EEFSEC: variants seen among roughly 807,000 people sequenced by gnomAD.
EEFSEC encodes selenocysteine-specific elongation factor.
Under a neutral mutation model 42.1 loss-of-function variants are expected in EEFSEC, and 43 were observed. The observed-to-expected ratio is 1.02, with a 90% CI of 0.80 to 1.32. EEFSEC has a LOEUF of 1.32. EEFSEC is among the 40% of genes most tolerant of loss of function. The probability of loss-of-function intolerance (pLI) is 0.00; values close to 1 mark genes in which losing one functional copy is unlikely to be tolerated. For missense variants in EEFSEC, 745 were observed against 803.6 expected, an observed-to-expected ratio of 0.93 and a Z score of 0.88; for synonymous variants, 354 against 339.1, an observed-to-expected ratio of 1.04 and a Z score of -0.48.
intron 2 of EEFSEC, among the ~76,000 whole-genome samples, chr3:128,255,485 A>G (rs951853825): frequency 1.3e-5 from 2 of 152,164 alleles, no homozygotes; most frequent in Admixed American, 1.3e-4. Flanking sequence ...TCTTAGTGTC[A>G]CATGGAATTG....
intron 6 of EEFSEC, among the ~76,000 whole-genome samples, chr3:128,380,505 C>G (rs572450809): frequency 1.3e-3 from 202 of 152,318 alleles, no homozygotes; most frequent in African/African-American, 4.5e-3. Flanking sequence ...CCACCATGCT[C>G]TCTTCGGCTG....
intron 1 of EEFSEC, among the ~76,000 whole-genome samples, chr3:128,169,031 T>C (rs1229179266): frequency 6.6e-6 from 1 of 152,194 alleles, no homozygotes; most frequent in Non-Finnish European, 1.5e-5. Flanking sequence ...TGGCTTCTGC[T>C]TTCATGTAGC....
chr3:128,294,618 C>T (rs1576615213), intron 4 of EEFSEC, among the ~76,000 whole-genome samples: 1 of 152,270 alleles, frequency 6.6e-6, no homozygotes, highest in East Asian at 1.9e-4. Flanking sequence ...GGAAGTAGAG[C>T]ACCTGTACAC....
In EEFSEC at chr3:128,174,103, C is replaced by T. The variant is rs376271693; in HGVS notation, c.316+20280C>T. Among the ~76,000 whole-genome samples, 10 of 152,356 alleles carry T rather than the reference C, an allele frequency of 6.6e-5. No homozygotes were observed. The South Asian group carries it at 1.0e-3, about 16-fold the overall frequency. ...GGAGGAGGAAACATTGCTCTGGCCG[C>T]TGCTCTCAGAGGCCCTCCCCTCTGT... On this transcript the variant is annotated intron_variant, in intron 1 of 6. Transcript: ENST00000254730.
intron 1 of EEFSEC, among the ~76,000 whole-genome samples, chr3:128,206,088 G>T (rs1418704684): frequency 6.6e-6 from 1 of 152,160 alleles, no homozygotes; most frequent in African/African-American, 2.4e-5. Context: ...CACAAATCAT[G>T]CTGGTATTTC....
chr3:128,269,546 G>C (rs1326524747), intron 4 of EEFSEC, among the ~76,000 whole-genome samples: 8 of 152,184 alleles, frequency 5.3e-5, no homozygotes, highest in African/African-American at 1.9e-4. Flanking sequence ...TAATAGACTT[G>C]GACACATCTG....
intron 4 of EEFSEC, among the ~76,000 whole-genome samples, chr3:128,319,567 T>C (rs182722649): frequency 7.9e-5 from 12 of 152,348 alleles, no homozygotes; most frequent in Admixed American, 3.3e-4. Context: ...CTTAAGCTTC[T>C]GAAAGTCATC....
intron 6 of EEFSEC, among the ~76,000 whole-genome samples, chr3:128,378,032 C>T (rs1216762900): frequency 6.6e-6 from 1 of 152,214 alleles, no homozygotes; most frequent in Non-Finnish European, 1.5e-5. Context: ...TGGAGAAAAA[C>T]GTGCAGTTCA....
intron 1 of EEFSEC, among the ~76,000 whole-genome samples, chr3:128,170,801 A>G (rs979854323): frequency 1.3e-5 from 2 of 152,246 alleles, no homozygotes; most frequent in African/African-American, 2.4e-5. Flanking sequence ...AAAAGTTTTT[A>G]AAAGTACATA....
chr3:128,319,961 G>C (rs2066989387), intron 4 of EEFSEC, among the ~76,000 whole-genome samples: 1 of 152,252 alleles, frequency 6.6e-6, no homozygotes, highest in African/African-American at 2.4e-5. Flanking sequence ...GCACAGGTTT[G>C]GCCCTGCTGA....
intron 2 of EEFSEC, among the ~76,000 whole-genome samples, chr3:128,255,201 C>T (rs758874916): frequency 2.6e-5 from 4 of 151,978 alleles, no homozygotes; most frequent in Non-Finnish European, 5.9e-5. Context: ...AAGAGTTGGC[C>T]TCTCTGGCCA....
At chr3:128,417,231 G>A in the EEFSEC span, among the ~76,000 whole-genome samples, 2 of 152,092 alleles carry the variant, frequency 1.3e-5, no homozygotes, top group East Asian at 1.9e-4. The surrounding 1 kb of genome is among the most constrained non-coding windows in gnomAD (Gnocchi z 4.3). Flanking sequence ...CCTCTCGCCC[G>A]CACCTTCCTC....
At chr3:128,223,773 T>C (rs777223259) in intron 1 of EEFSEC, among the ~76,000 whole-genome samples, 1 of 152,206 alleles carries the variant, frequency 6.6e-6, no homozygotes, top group African/African-American at 2.4e-5. Context: ...TCCATGAGCA[T>C]GTGCCCATGT....
At chr3:128,423,048 C>T in the EEFSEC span, among the ~76,000 whole-genome samples, 5 of 152,360 alleles carry the variant, frequency 3.3e-5, no homozygotes, top group Admixed American at 1.3e-4. Context: ...CAGGAAGGGT[C>T]TCACCCTGTC....
chr3:128,344,374 A>G (rs934427656), intron 5 of EEFSEC, among the ~76,000 whole-genome samples: 1 of 152,270 alleles, frequency 6.6e-6, no homozygotes, highest in Non-Finnish European at 1.5e-5. Flanking sequence ...CAATCAAATT[A>G]TGTGCAAATA....
chr3:128,414,175 A>G, the EEFSEC span, among the ~76,000 whole-genome samples: 25 of 152,112 alleles, frequency 1.6e-4, no homozygotes, highest in African/African-American at 6.0e-4. Flanking sequence ...AGTGATGTCT[A>G]TCTGGGACCC....
At chr3:128,422,296 A>G in the EEFSEC span, among the ~76,000 whole-genome samples, 2 of 152,240 alleles carry the variant, frequency 1.3e-5, no homozygotes, top group Non-Finnish European at 2.9e-5. Flanking sequence ...CGGCTCCTGC[A>G]TACGTTCAGG....
Position 128,341,241 on chromosome 3 carries a change from G to A in EEFSEC, c.795G>A (p.Lys265=). The A allele has an allele frequency of 6.2e-7, 1 of 1,605,316 alleles. No homozygotes were observed. The highest frequency in any genetic ancestry group is 1.1e-5 in the South Asian group (1 of 89,436). The part of the protein sequence containing the change: ...SVEIPALKVV[K]KVKSMQMFHM... ...TGCTTACTCCCCATCAGGTGGTGAA[G>A]AAGGTGAAGTCCATGCAGATGTTCC... is the stretch of plus-strand genomic sequence containing the variant. The change falls in exon 5 of 7, where the codon AAG becomes AAA. Residue 265 remains lysine, a synonymous_variant. Coordinates refer to ENST00000254730, the MANE Select transcript of EEFSEC (RefSeq NM_021937.5).
intron 4 of EEFSEC, among the ~76,000 whole-genome samples, chr3:128,267,584 T>G (rs759139950): frequency 7.2e-5 from 11 of 152,184 alleles, no homozygotes; most frequent in Non-Finnish European, 8.8e-5. Flanking sequence ...AAGGAATGAA[T>G]TGAGGAAGGA....
Sources: gnomAD v4.1 joint callset for allele counts (sites outside exome capture counted in the v4.1 genomes callset) on GRCh38, gnomAD v4.1.1 for gene constraint, Gnocchi (gnomAD v3.1) non-coding constraint, MANE v1.5 for transcripts, NCBI Gene and HGNC (gene_info 2026-07-23, HGNC 2026-07-21) for gene names.